XKR6: variants seen among roughly 807,000 people sequenced by gnomAD.
The protein encoded by XKR6 is XK related 6.
In XKR6, 22 loss-of-function variants were observed where a neutral mutation model predicts 56.7. The ratio of observed to expected loss-of-function variants is 0.39; its 90% confidence interval spans 0.28 to 0.55. The LOEUF (loss-of-function observed/expected upper bound fraction) is 0.55, where lower values mean the gene tolerates loss of function less well. XKR6 is among the 20% of genes least tolerant of loss of function. The pLI is 0.66. For missense variants in XKR6, 852 were observed against 889.0 expected, an observed-to-expected ratio of 0.96 and a Z score of 0.53; for synonymous variants, 524 against 387.8, an observed-to-expected ratio of 1.35 and a Z score of -4.13.
intron 1 of XKR6, among the ~76,000 whole-genome samples, chr8:10,977,640 A>C (rs1802604834): frequency 6.7e-6 from 1 of 149,426 alleles, no homozygotes; most frequent in African/African-American, 2.5e-5. Context: ...TCTCAGAGAC[A>C]GATGAGTGCT....
chr8:10,959,629 T>C (rs1025113047), intron 1 of XKR6, among the ~76,000 whole-genome samples: 1 of 152,162 alleles, frequency 6.6e-6, no homozygotes, highest in African/African-American at 2.4e-5. Flanking sequence ...AATCCGTTGC[T>C]GAGGCCCCAC....
At chr8:10,921,420 G>A (rs1586307856) in intron 2 of XKR6, among the ~76,000 whole-genome samples, 1 of 152,320 alleles carries the variant, frequency 6.6e-6, no homozygotes. Flanking sequence ...GGATGGGGAG[G>A]TGACCGTCAG....
intron 1 of XKR6, among the ~76,000 whole-genome samples, chr8:11,158,495 A>C (rs566247050): frequency 4.0e-4 from 61 of 152,312 alleles, no homozygotes; most frequent in Non-Finnish European, 6.5e-4. Context: ...CTGTGCCTAG[A>C]AACTTCGCCT....
chr8:11,014,533 G>A (rs1798574822), intron 1 of XKR6, among the ~76,000 whole-genome samples: 1 of 152,290 alleles, frequency 6.6e-6, no homozygotes, highest in South Asian at 2.1e-4. Flanking sequence ...TGGAGGCCAG[G>A]AGGTGCAGGC....
At chr8:10,899,262 G>A (rs148940555) in intron 2 of XKR6, among the ~76,000 whole-genome samples, 1 of 152,216 alleles carries the variant, frequency 6.6e-6, no homozygotes, top group Non-Finnish European at 1.5e-5. Flanking sequence ...GATTCTTGTG[G>A]CACACAGATG....
intron 2 of XKR6, among the ~76,000 whole-genome samples, chr8:10,913,233 C>T (rs1371043206): frequency 6.6e-6 from 1 of 151,756 alleles, no homozygotes; most frequent in Non-Finnish European, 1.5e-5. Flanking sequence ...TTGTTCATTG[C>T]CTGCCTCCAC....
intron 1 of XKR6, among the ~76,000 whole-genome samples, chr8:10,985,217 C>T (rs543328344): frequency 1.3e-5 from 2 of 152,094 alleles, no homozygotes; most frequent in Admixed American, 6.6e-5. Flanking sequence ...ACGGGAGGGA[C>T]CTGGTGGGAG....
At chr8:10,951,629 C>T (rs1048715973) in intron 1 of XKR6, among the ~76,000 whole-genome samples, 2 of 152,234 alleles carry the variant, frequency 1.3e-5, no homozygotes, top group Non-Finnish European at 2.9e-5. Flanking sequence ...GGTCCATGAC[C>T]TAACGGCCCA....
At chr8:10,932,425 C>CTTT (rs71203361) in intron 1 of XKR6, among the ~76,000 whole-genome samples, 1 of 145,582 alleles carries the variant, frequency 6.9e-6, no homozygotes, top group Non-Finnish European at 1.5e-5. Context: ...TTTTCTTTTT[C>CTTT]TTTTTTTTTT....
At chr8:11,039,198 C>T (rs1025268251) in intron 1 of XKR6, among the ~76,000 whole-genome samples, 1 of 152,204 alleles carries the variant, frequency 6.6e-6, no homozygotes, top group African/African-American at 2.4e-5. Flanking sequence ...AAGGGGAGGC[C>T]ACCAGCCAAT....
chr8:10,999,311 T>G (rs1798186827), intron 1 of XKR6, among the ~76,000 whole-genome samples: 1 of 152,246 alleles, frequency 6.6e-6, no homozygotes, highest in African/African-American at 2.4e-5. Context: ...GCATTCCAAT[T>G]CTATTCTGTT....
chr8:11,001,090 T>C (rs1798228059), intron 1 of XKR6, among the ~76,000 whole-genome samples: 1 of 152,232 alleles, frequency 6.6e-6, no homozygotes, highest in Non-Finnish European at 1.5e-5. Flanking sequence ...CCTCATTGGA[T>C]GACTTTGCAC....
chr8:10,923,520 T>A (rs999271175), intron 2 of XKR6, among the ~76,000 whole-genome samples: 1 of 152,252 alleles, frequency 6.6e-6, no homozygotes, highest in Non-Finnish European at 1.5e-5. Flanking sequence ...AACAGCTCAG[T>A]CTTCCACTGG....
chr8:10,989,559 A>G (rs1038428427), intron 1 of XKR6, among the ~76,000 whole-genome samples: 5 of 152,226 alleles, frequency 3.3e-5, no homozygotes, highest in African/African-American at 7.2e-5. Flanking sequence ...GGTTGGAAGA[A>G]GAGGTTTAAA....
chr8:10,917,793 A>G (rs1800601499), intron 2 of XKR6, among the ~76,000 whole-genome samples: 1 of 152,186 alleles, frequency 6.6e-6, no homozygotes, highest in Admixed American at 6.5e-5. Context: ...TGAACCTCTC[A>G]CTAACTGAGT....
At chr8:11,104,082 G>C (rs1310815822) in intron 1 of XKR6, among the ~76,000 whole-genome samples, 3 of 152,218 alleles carry the variant, frequency 2.0e-5, no homozygotes, top group African/African-American at 7.2e-5. Flanking sequence ...GCAGGTGTCT[G>C]CCTCACTAAT....
intron 1 of XKR6, among the ~76,000 whole-genome samples, chr8:10,947,298 A>G (rs1487786678): frequency 6.6e-6 from 1 of 152,142 alleles, no homozygotes; most frequent in Non-Finnish European, 1.5e-5. Flanking sequence ...ACCGAAAAGG[A>G]GAGCAAAGGT....
At chr8:11,049,667 G>A (rs1296626424) in intron 1 of XKR6, among the ~76,000 whole-genome samples, 1 of 152,228 alleles carries the variant, frequency 6.6e-6, no homozygotes, top group African/African-American at 2.4e-5. Flanking sequence ...ACCTCCCCGT[G>A]GGCTGGCAGG....
intron 1 of XKR6, among the ~76,000 whole-genome samples, chr8:11,083,393 C>G (rs1797791100): frequency 6.6e-6 from 1 of 152,148 alleles, no homozygotes; most frequent in African/African-American, 2.4e-5. Flanking sequence ...TGAAAGGCAG[C>G]TGGGAGCCAC....
Sources: gnomAD v4.1 joint callset for allele counts (sites outside exome capture counted in the v4.1 genomes callset) on GRCh38, gnomAD v4.1.1 for gene constraint, MANE v1.5 for transcripts, NCBI Gene and HGNC (gene_info 2026-07-23, HGNC 2026-07-21) for gene names.